Variants in ERBB4 observed in about 807,000 individuals in gnomAD.
The protein encoded by ERBB4 is erb-b2 receptor tyrosine kinase 4.
Under a neutral mutation model 158.0 loss-of-function variants are expected in ERBB4, and 42 were observed. That is an observed-to-expected ratio of 0.27 (90% confidence interval 0.21 to 0.34). The LOEUF is 0.34. ERBB4 is among the 10% of genes least tolerant of loss of function. The pLI is 1.00. For missense variants in ERBB4, 1,333 were observed against 1,624.1 expected (o/e 0.82, Z 3.08); for synonymous variants, 583 against 558.7 (o/e 1.04, Z -0.61).
intron 3 of ERBB4, among the ~76,000 whole-genome samples, 158 bp downstream of exon 3, chr2:211,947,272 G>C (rs893589385): frequency 6.6e-6 from 1 of 152,082 alleles, no homozygotes; most frequent in Non-Finnish European, 1.5e-5. Flanking sequence ...AAAAGCAAGG[G>C]CATCACAGGG....
At chr2:211,684,593 C>T (rs2072489305) in intron 12 of ERBB4, among the ~76,000 whole-genome samples, 1 of 152,190 alleles carries the variant, frequency 6.6e-6, no homozygotes, top group South Asian at 2.1e-4. Flanking sequence ...CAGAGTCATG[C>T]AGACCCTGTT....
chr2:212,275,962 T>C (rs891494131), intron 1 of ERBB4, among the ~76,000 whole-genome samples: 1 of 151,570 alleles, frequency 6.6e-6, no homozygotes, highest in Non-Finnish European at 1.5e-5. Context: ...GATTGTTGAG[T>C]TTTTCCAAAC....
chr2:212,300,478 T>G (rs1268515618), intron 1 of ERBB4, among the ~76,000 whole-genome samples: 2 of 151,596 alleles, frequency 1.3e-5, no homozygotes, highest in Non-Finnish European at 3.0e-5. Context: ...AGTAGAGTAG[T>G]ACGTCTGAAT....
intron 23 of ERBB4, among the ~76,000 whole-genome samples, chr2:211,423,541 CAT>C (rs1412441478): frequency 1.3e-5 from 2 of 151,876 alleles, no homozygotes; most frequent in African/African-American, 4.8e-5. Flanking sequence ...ATTTATAATA[CAT>C]ATGTGTCTGG....
chr2:212,439,145 T>C (rs190988110), intron 1 of ERBB4, among the ~76,000 whole-genome samples: 6 of 148,814 alleles, frequency 4.0e-5, no homozygotes, highest in Non-Finnish European at 9.1e-5. Flanking sequence ...TTGCCTTAGA[T>C]AGTGTGTACA....
chr2:211,561,439 A>T (rs1162803566), intron 20 of ERBB4, among the ~76,000 whole-genome samples: 1 of 152,158 alleles, frequency 6.6e-6, no homozygotes, highest in Non-Finnish European at 1.5e-5. Context: ...ACCATTAAAA[A>T]CCAATTGAAG....
Position 211,536,434 on chromosome 2 carries a change from AT to A in ERBB4, c.2487+25468del, listed in dbSNP as rs533026117. On this transcript the variant is annotated intron_variant, in intron 20 of 27. Transcript: ENST00000342788. ...ACTGTGGACATTACTCCGGCTTCCCATTGGGGAAGAGGCAGGTCTTCAGACA... is the reference window on the plus strand; with the variant it reads ...ACTGTGGACATTACTCCGGCTTCCCATGGGGAAGAGGCAGGTCTTCAGACA... Among the ~76,000 whole-genome samples the A allele has an allele frequency of 9.2e-5, 14 of 152,164 alleles. 1 individual carries two copies. The South Asian group carries it at 2.9e-3, about 32-fold the overall frequency.
At chr2:212,002,163 A>G (rs2076120892) in intron 2 of ERBB4, among the ~76,000 whole-genome samples, 2 of 152,176 alleles carry the variant, frequency 1.3e-5, no homozygotes, top group South Asian at 4.1e-4. Flanking sequence ...TGATGCTAAG[A>G]TTAATAAGTA....
intron 3 of ERBB4, among the ~76,000 whole-genome samples, chr2:211,835,914 G>T (rs2077330980): frequency 6.6e-6 from 1 of 151,998 alleles, no homozygotes; most frequent in Admixed American, 6.6e-5. Flanking sequence ...TGAATACCTT[G>T]GGGTTGCAGG....
chr2:212,232,615 A>T (rs1374054965), intron 1 of ERBB4, among the ~76,000 whole-genome samples: 3 of 152,078 alleles, frequency 2.0e-5, no homozygotes, highest in Non-Finnish European at 4.4e-5. Flanking sequence ...TCACCGTGTT[A>T]GCCAGGATGG....
chr2:211,530,217 G>A (rs1224992326), intron 20 of ERBB4, among the ~76,000 whole-genome samples: 2 of 152,000 alleles, frequency 1.3e-5, no homozygotes, highest in Non-Finnish European at 2.9e-5. Context: ...CAAACAATCT[G>A]AAGAAGAAAT....
At chr2:211,412,300 C>T (rs950661586) in intron 25 of ERBB4, among the ~76,000 whole-genome samples, 5 of 152,166 alleles carry the variant, frequency 3.3e-5, no homozygotes, top group Non-Finnish European at 7.4e-5. Flanking sequence ...AAACACATTT[C>T]TTCACCTTTG....
At position 211,790,338 on chromosome 2, in the gene ERBB4, G is replaced by T. The variant is rs557921565; in HGVS notation, c.422-2179C>A. On this transcript the variant is annotated intron_variant, in intron 3 of 27. Transcript: ENST00000342788. ...TCTACTTAAAAAAAAAAGTGAAAAG[G>T]TAATAGCTCAAACATTGCAGAAAGA... Among the ~76,000 whole-genome samples, 21 of 151,990 alleles carry T rather than the reference G, an allele frequency of 1.4e-4. 1 individual carries two copies. Among genetic ancestry groups the T allele is most frequent in the Admixed American group, 1.3e-4 (2 of 15,226 alleles).
intron 1 of ERBB4, among the ~76,000 whole-genome samples, chr2:212,177,019 T>A (rs1376565974): frequency 6.6e-6 from 1 of 151,424 alleles, no homozygotes; most frequent in African/African-American, 2.4e-5. Context: ...ATTTCAGTAT[T>A]ACTTTATGAA....
chr2:212,253,980 A>G (rs2084633660), intron 1 of ERBB4, among the ~76,000 whole-genome samples: 2 of 152,114 alleles, frequency 1.3e-5, no homozygotes, highest in South Asian at 4.1e-4. Flanking sequence ...GTGTACCTAA[A>G]TGTATCTAAC....
At chr2:211,678,300 CAAAAAA>C (rs66468350) in intron 13 of ERBB4, among the ~76,000 whole-genome samples, 4 of 96,576 alleles carry the variant, frequency 4.1e-5, no homozygotes, top group Non-Finnish European at 7.3e-5. Flanking sequence ...AACAAACAAA[CAAAAAA>C]AAACAAACAA....
chr2:211,897,394 T>C (rs944791758), intron 3 of ERBB4, among the ~76,000 whole-genome samples: 7 of 150,818 alleles, frequency 4.6e-5, no homozygotes, highest in African/African-American at 1.5e-4. Context: ...ATGATGCATA[T>C]GAAGGGCTCT....
chr2:211,822,391 G>A (rs879456136), intron 3 of ERBB4, among the ~76,000 whole-genome samples: 5 of 151,978 alleles, frequency 3.3e-5, no homozygotes, highest in Non-Finnish European at 4.4e-5. Flanking sequence ...ACATCACTAT[G>A]TACCCCATAA....
At chr2:212,183,907 C>A (rs967005325) in intron 1 of ERBB4, among the ~76,000 whole-genome samples, 8 of 152,004 alleles carry the variant, frequency 5.3e-5, no homozygotes, top group African/African-American at 1.7e-4. Context: ...AAGGTCTATT[C>A]TTTTTCATTT....
Sources: allele counts gnomAD v4.1 joint callset (sites outside exome capture counted in the v4.1 genomes callset), GRCh38; gene constraint gnomAD v4.1.1; transcripts MANE v1.5; gene names NCBI Gene and HGNC (gene_info 2026-07-23, HGNC 2026-07-21).